Variants in CHRDL1 observed in about 807,000 individuals in gnomAD.
The protein encoded by CHRDL1 is chordin-like protein 1.
In CHRDL1, 19 loss-of-function variants were observed where a neutral mutation model predicts 40.9. The ratio of observed to expected loss-of-function variants is 0.46; its 90% CI spans 0.32 to 0.68. The LOEUF is 0.68. Ranked by LOEUF, CHRDL1 falls within the 30% of genes least tolerant of loss-of-function variation. CHRDL1 has a pLI of 0.03. For synonymous variants in CHRDL1, 136 were observed against 123.4 expected, an observed-to-expected ratio of 1.10 and a Z score of -0.68; for missense variants, 329 against 352.1, an observed-to-expected ratio of 0.93 and a Z score of 0.53.
intron 6 of CHRDL1, among the ~76,000 whole-genome samples, chrX:110,710,974 T>C (rs1262800797): frequency 2.7e-5 from 3 of 111,582 alleles, no homozygotes; most frequent in African/African-American, 9.8e-5. Context: ...CCACAGATGC[T>C]CAAGTCCCTG....
At chrX:110,721,954 A>C (rs1281087723) in intron 4 of CHRDL1, among the ~76,000 whole-genome samples, 2 of 112,125 alleles carry the variant, frequency 1.8e-5, no homozygotes, top group East Asian at 5.6e-4. Context: ...CAGTTGCTTC[A>C]GAAGGGGACC....
chrX:110,711,572 T>C (rs2070747452), intron 6 of CHRDL1, among the ~76,000 whole-genome samples: 1 of 112,199 alleles, frequency 8.9e-6, no homozygotes, highest in African/African-American at 3.2e-5. Flanking sequence ...GCAGAAAATG[T>C]GGGCCAAAAC....
At chrX:110,792,318 T>C (rs1477117142) in intron 1 of CHRDL1, 103 bp from the exon 2 acceptor site, 1 of 411,382 alleles carries the variant, frequency 2.4e-6, no homozygotes, top group Non-Finnish European at 4.3e-6. Context: ...AAAAAAAATG[T>C]CCTAGAATTT....
chrX:110,753,856 G>T (rs1331713773), intron 4 of CHRDL1, among the ~76,000 whole-genome samples: 1 of 112,354 alleles, frequency 8.9e-6, no homozygotes, highest in Non-Finnish European at 1.9e-5. Flanking sequence ...CAAATGCCAT[G>T]TACCCACCTC....
chrX:110,759,802 G>A (rs199910439), intron 3 of CHRDL1, 48 bp from the exon 4 acceptor site: 21 of 958,651 alleles, frequency 2.2e-5, no homozygotes, highest in African/African-American at 9.5e-5. Context: ...TTCAAAGGTC[G>A]CTGGGATCAA....
In CHRDL1 at chrX:110,689,460, A is replaced by ATC. The variant is rs1274555661; in HGVS notation, c.779-658_779-657insGA. Among the ~76,000 whole-genome samples the ATC allele has an allele frequency of 7.6e-5, 4 of 52,429 alleles. 1 individual carries two copies. The African/African-American group carries it at 1.3e-3, about 18-fold the overall frequency. The allele number at this position is 52,429 out of a possible 115,157, so 45.5% of individuals were successfully genotyped here. On this transcript the variant is annotated intron_variant, in intron 8 of 11. Transcript: ENST00000372042. ...TATATCTATATATATCTATATATCT[A>ATC]TATATATCTATATATCTATATATCT...
rs34682418 is a variant in CHRDL1, at chrX:110,689,833, C to G, written c.779-1030G>C. Among the ~76,000 whole-genome samples the G allele has an allele frequency of 1.2e-4, 3 of 24,620 alleles. No homozygotes were observed. In the South Asian group the frequency reaches 4.0e-3, roughly 33 times the overall value. 21.4% of individuals were successfully genotyped at this position (24,620 alleles called of 115,157 possible). On this transcript the variant is annotated intron_variant, in intron 8 of 11. Transcript: ENST00000372042. Reference sequence around the variant, plus strand: ...TATATATATCTATATATCTATATATCTATATATATCTATATATCTATATAT... The same window carrying G: ...TATATATATCTATATATCTATATATGTATATATATCTATATATCTATATAT...
chrX:110,767,116 A>G (rs954500282), intron 2 of CHRDL1, among the ~76,000 whole-genome samples: 7 of 112,256 alleles, frequency 6.2e-5, no homozygotes, highest in African/African-American at 2.3e-4. Context: ...TAGATGCAGA[A>G]AAAGCACTCG....
chrX:110,719,963 T>C (rs2070917960), intron 5 of CHRDL1, 35 bp from the exon 6 acceptor site: 1 of 982,754 alleles, frequency 1.0e-6, no homozygotes, highest in Non-Finnish European at 1.4e-6. Context: ...ATTAGAAGCA[T>C]CTAGGATAAG....
intron 9 of CHRDL1, among the ~76,000 whole-genome samples, chrX:110,686,686 G>C (rs903058147): frequency 7.7e-4 from 84 of 109,110 alleles, no homozygotes; most frequent in African/African-American, 2.8e-3. Context: ...CCAGCACTTT[G>C]GGAGGCTGAG....
chrX:110,705,304 TACACACACAC>T (rs1209653546), intron 6 of CHRDL1, among the ~76,000 whole-genome samples: 3 of 77,603 alleles, frequency 3.9e-5, no homozygotes, highest in African/African-American at 1.7e-4. Flanking sequence ...TATATATATA[TACACACACAC>T]ATATATATAT....
At chrX:110,781,649 G>A (rs1366031673) in intron 2 of CHRDL1, among the ~76,000 whole-genome samples, 5 of 110,881 alleles carry the variant, frequency 4.5e-5, no homozygotes, top group African/African-American at 1.6e-4. Context: ...AAAGACCACC[G>A]AAAAGACTAC....
intron 2 of CHRDL1, among the ~76,000 whole-genome samples, chrX:110,779,838 T>C (rs2089912248): frequency 8.9e-6 from 1 of 111,800 alleles, no homozygotes; most frequent in African/African-American, 3.2e-5. Context: ...TCCATTCTAC[T>C]TAGTTTTTTA....
intron 2 of CHRDL1, among the ~76,000 whole-genome samples, chrX:110,786,775 T>C (rs2090023320): frequency 8.9e-6 from 1 of 112,421 alleles, no homozygotes; most frequent in African/African-American, 3.2e-5. Flanking sequence ...TTAGCAAATG[T>C]AGGTTCCTGA....
rs769586533 is a variant in CHRDL1 at position 110,698,653 on chromosome X, G to A, written c.609+2001C>T. Among the ~76,000 whole-genome samples the A allele has an allele frequency of 1.2e-3, 137 of 111,988 alleles. 1 individual carries two copies. The highest frequency in any genetic ancestry group is 2.3e-3 in the Non-Finnish European group (120 of 53,250). On this transcript the variant is annotated intron_variant, in intron 7 of 11. Transcript: ENST00000372042. ...GACCTTTTTTGCTACAGGAAGTACT[G>A]GATTAAGTCCAGGCCTATCACTAGG...
chrX:110,782,143 C>T (rs1205102045), intron 2 of CHRDL1, among the ~76,000 whole-genome samples: 3 of 111,945 alleles, frequency 2.7e-5, no homozygotes, highest in African/African-American at 6.5e-5. Flanking sequence ...CAGATGAGAA[C>T]GGTGATAACA....
intron 4 of CHRDL1, among the ~76,000 whole-genome samples, chrX:110,726,754 T>C (rs185735327): frequency 8.9e-6 from 1 of 112,238 alleles, no homozygotes; most frequent in African/African-American, 3.2e-5. Flanking sequence ...GCAGTAAAGT[T>C]GAAGAATATG....
intron 2 of CHRDL1, among the ~76,000 whole-genome samples, chrX:110,780,610 C>T (rs977946979): frequency 9.0e-6 from 1 of 111,230 alleles, no homozygotes; most frequent in Non-Finnish European, 1.9e-5. Context: ...AATGCAAAAT[C>T]TTAGAAGTAG....
chrX:110,744,181 G>T (rs148190919), intron 4 of CHRDL1, among the ~76,000 whole-genome samples: 15 of 112,074 alleles, frequency 1.3e-4, no homozygotes, highest in Non-Finnish European at 2.6e-4. Flanking sequence ...AGCTGCAGGC[G>T]CACTCACATT....
Sources: allele counts gnomAD v4.1 joint callset (sites outside exome capture counted in the v4.1 genomes callset), GRCh38; gene constraint gnomAD v4.1.1; transcripts MANE v1.5; gene names NCBI Gene and HGNC (gene_info 2026-07-23, HGNC 2026-07-21).